The following ERBIN variants were observed in gnomAD, a reference collection of about 807,000 sequenced individuals.
The protein encoded by ERBIN is erbb2 interacting protein.
ERBIN carries 60 observed loss-of-function variants against 158.4 expected under a neutral mutation model. The ratio of observed to expected loss-of-function variants is 0.38; its 90% confidence interval spans 0.31 to 0.47. The LOEUF is 0.47. Ranked by LOEUF, ERBIN falls within the 20% of genes least tolerant of loss-of-function variation. The probability of loss-of-function intolerance (pLI) is 0.99; values close to 1 mark genes in which losing one functional copy is unlikely to be tolerated. For missense variants in ERBIN, 1,610 were observed against 1,648.0 expected, an observed-to-expected ratio of 0.98 and a Z score of 0.40; for synonymous variants, 594 against 557.2, an observed-to-expected ratio of 1.07 and a Z score of -0.93.
At chr5:66,060,006 G>T (rs900494090) in intron 21 of ERBIN, among the ~76,000 whole-genome samples, 1 of 151,848 alleles carries the variant, frequency 6.6e-6, no homozygotes, top group Non-Finnish European at 1.5e-5. Flanking sequence ...TCTCTTTTTT[G>T]GTTGTGTCTC....
chr5:66,038,245 T>C (rs905909125), intron 14 of ERBIN, 138 bp from the exon 15 acceptor site: 7 of 470,986 alleles, frequency 1.5e-5, no homozygotes, highest in African/African-American at 1.2e-4. Context: ...TAAAGTGTTA[T>C]TGTGTATAGT....
At chr5:65,934,830 TAATGCATTACTATTTATTTTGGTGCTC>T (rs780752712) in intron 1 of ERBIN, among the ~76,000 whole-genome samples, 1 of 152,240 alleles carries the variant, frequency 6.6e-6, no homozygotes. Flanking sequence ...CGCAAGGACA[TAATGCATTACTATTTATTTTGGTGCTC>T]AAATTGTTCT....
intron 4 of ERBIN, among the ~76,000 whole-genome samples, chr5:66,004,616 T>A (rs1384423206): frequency 6.6e-6 from 1 of 152,204 alleles, no homozygotes; most frequent in Admixed American, 6.5e-5. Context: ...TTGGCCAGGC[T>A]GGCCTCGAAA....
intron 14 of ERBIN, among the ~76,000 whole-genome samples, chr5:66,031,516 G>T (rs1756873337): frequency 1.3e-5 from 2 of 152,202 alleles, no homozygotes. Flanking sequence ...GGAAATGCCT[G>T]CAGTGCCTGA....
At position 65,934,803 on chromosome 5, in the gene ERBIN, G is replaced by GT. The variant is rs916550927; in HGVS notation, c.-58+7998dup. Among the ~76,000 whole-genome samples the GT allele has an allele frequency of 1.5e-3, 234 of 152,210 alleles. 1 individual carries two copies. The highest frequency in any genetic ancestry group is 5.5e-3 in the African/African-American group (228 of 41,534). On this transcript the variant is annotated intron_variant, in intron 1 of 25. Coordinates refer to ENST00000284037, the MANE Select transcript of ERBIN (RefSeq NM_001253697.2). Reference sequence around the variant, plus strand: ...ATATTTTAAATTCACTTATTTACATGTACCTAGGTTTATCTTCGCAAGGAC... The same window carrying GT: ...ATATTTTAAATTCACTTATTTACATGTTACCTAGGTTTATCTTCGCAAGGAC...
chr5:65,969,940 A>T (rs1050727939), intron 1 of ERBIN, among the ~76,000 whole-genome samples: 5 of 152,168 alleles, frequency 3.3e-5, no homozygotes, highest in African/African-American at 1.2e-4. Context: ...GGGAATTACT[A>T]TTAATTGTTT....
rs954062600 is a variant in ERBIN, at chr5:66,054,648, C to A, written c.3330C>A (p.Phe1110Leu). ...PEGDYLSYRE[F>L]HSAGRTPPMM... is the part of the protein sequence containing the mutation. ...GAGATTATTTATCATACAGAGAGTT[C>A]CACTCAGCGGGAAGAACTCCTCCAA... The change falls in exon 21 of 26, where the codon TTC becomes TTA. Residue 1110 changes from phenylalanine (F) to leucine (L), a missense_variant. Phe to Leu is a conservative substitution (Grantham distance 22). Coordinates refer to ENST00000284037, the MANE Select transcript of ERBIN (RefSeq NM_001253697.2). The A allele has an allele frequency of 6.2e-7, 1 of 1,614,096 alleles. No individual in the cohort carries two copies. The highest frequency in any genetic ancestry group is 1.3e-5 in the African/African-American group (1 of 75,014).
In ERBIN at chr5:65,952,663, T is replaced by G. The variant is rs184234246; in HGVS notation, c.-58+25857T>G. 2.0e-5 allele frequency among the ~76,000 whole-genome samples: 3 copies of G among 152,356 alleles called. No homozygotes were observed. In the South Asian group the frequency reaches 6.2e-4, roughly 32 times the overall value. On this transcript the variant is annotated intron_variant, in intron 1 of 25. Transcript: ENST00000284037. ...ACATAATGAGCATATTATATGAATA[T>G]GTAGCTAGCATACTTTAAAATTTTT...
At chr5:66,007,752 TACTA>T (rs999267821) in intron 4 of ERBIN, among the ~76,000 whole-genome samples, 3 of 152,378 alleles carry the variant, frequency 2.0e-5, no homozygotes, top group Non-Finnish European at 4.4e-5. Context: ...TAGTGTCTGA[TACTA>T]ACACATTTGC....
chr5:65,952,132 A>G (rs762827075), intron 1 of ERBIN, among the ~76,000 whole-genome samples: 19 of 152,344 alleles, frequency 1.2e-4, no homozygotes, highest in Non-Finnish European at 2.5e-4. Flanking sequence ...CTGAAAAGTC[A>G]GAAAACACAG....
intron 14 of ERBIN, among the ~76,000 whole-genome samples, chr5:66,037,406 G>A (rs1015579291): frequency 6.6e-6 from 1 of 152,120 alleles, no homozygotes; most frequent in African/African-American, 2.4e-5. Flanking sequence ...GACTTGGGGT[G>A]GATGAGGTAG....
intron 1 of ERBIN, among the ~76,000 whole-genome samples, chr5:65,967,315 T>C (rs1748758334): frequency 6.6e-6 from 1 of 152,230 alleles, no homozygotes; most frequent in African/African-American, 2.4e-5. Flanking sequence ...GTCCTAGACC[T>C]TCACATTCAC....
At chr5:66,008,196 C>T (rs962168560) in intron 4 of ERBIN, among the ~76,000 whole-genome samples, 1 of 152,122 alleles carries the variant, frequency 6.6e-6, no homozygotes, top group Non-Finnish European at 1.5e-5. Context: ...GTGGGCGGAT[C>T]ACGAGGTCAG....
intron 8 of ERBIN, among the ~76,000 whole-genome samples, chr5:66,022,301 G>T (rs1489307965): frequency 1.3e-5 from 2 of 151,988 alleles, no homozygotes; most frequent in Admixed American, 6.6e-5. Flanking sequence ...CAAAAATCTC[G>T]TTCATTTTAA....
chr5:66,022,717 T>C (rs1368074877), intron 8 of ERBIN, among the ~76,000 whole-genome samples: 1 of 152,236 alleles, frequency 6.6e-6, no homozygotes, highest in African/African-American at 2.4e-5. Context: ...TAAAGAATTT[T>C]CTACCATGTA....
chr5:66,074,673 A>C (rs573470770), intron 22 of ERBIN, among the ~76,000 whole-genome samples: 1 of 152,320 alleles, frequency 6.6e-6, no homozygotes, highest in East Asian at 1.9e-4. Context: ...ATTTTGGTAT[A>C]CTATGTGCCA....
At chr5:66,018,326 C>T (rs1028594689) in intron 7 of ERBIN, among the ~76,000 whole-genome samples, 1 of 142,698 alleles carries the variant, frequency 7.0e-6, no homozygotes, top group Non-Finnish European at 1.5e-5. Flanking sequence ...TTTTTGTGTC[C>T]TCTTTAATTT....
intron 14 of ERBIN, among the ~76,000 whole-genome samples, chr5:66,030,585 C>T (rs527335318): frequency 5.0e-4 from 66 of 131,804 alleles, no homozygotes; most frequent in East Asian, 1.1e-3. Context: ...TTTTTTGCGG[C>T]GGGGTCTTAC....
intron 1 of ERBIN, among the ~76,000 whole-genome samples, chr5:65,958,193 A>G (rs560403434): frequency 4.8e-5 from 7 of 145,236 alleles, no homozygotes; most frequent in East Asian, 2.1e-4. Flanking sequence ...CCAGGCAGAG[A>G]CGCTCCTCAC....
Sources: allele counts gnomAD v4.1 joint callset (sites outside exome capture counted in the v4.1 genomes callset), GRCh38; gene constraint gnomAD v4.1.1; transcripts MANE v1.5; gene names NCBI Gene and HGNC (gene_info 2026-07-23, HGNC 2026-07-21).